The following XPO5 variants were observed in gnomAD, a reference collection of about 807,000 sequenced individuals.
XPO5 encodes the protein exportin-5.
In XPO5, 46 loss-of-function variants were observed where a neutral mutation model predicts 160.6. That is an observed-to-expected ratio of 0.29 (90% CI 0.23 to 0.37). The LOEUF (loss-of-function observed/expected upper bound fraction) is 0.37, where lower values mean the gene tolerates loss of function less well. Ranked by LOEUF, XPO5 falls within the 10% of genes least tolerant of loss-of-function variation. The pLI, the probability that XPO5 is intolerant of heterozygous loss-of-function variation, is 1.00. For synonymous variants in XPO5, 537 were observed against 519.3 expected (o/e 1.03, Z -0.46); for missense variants, 1,090 against 1,463.9 (o/e 0.74, Z 4.17).
Position 43,548,459 on chromosome 6 carries a change from G to T in XPO5, c.1862C>A (p.Pro621His), listed in dbSNP as rs1310087769. The T allele has an allele frequency of 1.3e-6, 2 of 1,543,426 alleles. No homozygotes were observed. The highest frequency in any genetic ancestry group is 1.8e-6 in the Non-Finnish European group (2 of 1,137,252). ...ATGGTTATAAAGCATGTCAAAATTG[G>T]GCTACAGATCAAAAAGAAAAAAAGC... ...MCRDYPQLVL[P>H]NFDMLYNHVK... Residue 621 changes from proline to histidine, a missense_variant and splice_region_variant, in exon 18 of 32, where the codon CCC becomes CAC. By Grantham distance (77) the Pro-to-His change is moderately conservative (BLOSUM62 -2). Transcript: ENST00000265351.
chr6:43,548,189 C>A (rs981524215), intron 18 of XPO5, 72 bp downstream of exon 18: 6 of 1,453,766 alleles, frequency 4.1e-6, no homozygotes, highest in Non-Finnish European at 3.7e-6. Flanking sequence ...CCCTACCCCA[C>A]CCTGGGCCTA....
chr6:43,530,912 A>C (rs1366848383), intron 22 of XPO5, 88 bp from the exon 23 acceptor site: 1 of 1,470,770 alleles, frequency 6.8e-7, no homozygotes, highest in African/African-American at 1.4e-5. Flanking sequence ...TTTCTAGCCT[A>C]CAATAAGGTT....
At position 43,572,545 on chromosome 6, in the gene XPO5, C is replaced by G; in HGVS notation, c.261G>C (p.Lys87Asn). 1 of 1,613,950 alleles carries G rather than the reference C, an allele frequency of 6.2e-7. No individual in the cohort carries two copies. Among genetic ancestry groups the G allele is most frequent in the Non-Finnish European group, 8.5e-7 (1 of 1,179,892 alleles). The stretch of plus-strand genomic sequence containing the variant: ...CCATGACACTGTTCTTCAGATACAC[C>G]TTCTCCAATCGAGACATGCCGTTCC... Reference protein sequence around the residue: ...FRWNGMSRLEKVYLKNSVMEL... With the variant: ...FRWNGMSRLENVYLKNSVMEL... Residue 87 changes from lysine (K) to asparagine (N), a missense_variant, in exon 3 of 32, where the codon AAG becomes AAC. By Grantham distance (94) the Lys-to-Asn change is moderately conservative. Transcript: ENST00000265351.
intron 12 of XPO5, among the ~76,000 whole-genome samples, chr6:43,557,482 A>G (rs1409068478): frequency 6.6e-6 from 1 of 152,160 alleles, no homozygotes; most frequent in Non-Finnish European, 1.5e-5. Context: ...ATTTAAAAAC[A>G]TTATGCAAGT....
chr6:43,543,825 C>T (rs988765444), intron 20 of XPO5, among the ~76,000 whole-genome samples: 14 of 151,888 alleles, frequency 9.2e-5, no homozygotes, highest in African/African-American at 3.4e-4. Flanking sequence ...TACAGGCGCC[C>T]GCCACCATGC....
At chr6:43,558,822 T>C (rs1396036635) in intron 11 of XPO5, 1 of 411,652 alleles carries the variant, frequency 2.4e-6, no homozygotes, top group Non-Finnish European at 4.3e-6. Flanking sequence ...ATCCTCCAAG[T>C]TCCTCAGGGA....
At chr6:43,533,746 G>T in intron 21 of XPO5, 161 bp downstream of exon 21, 2 of 410,052 alleles carry the variant, frequency 4.9e-6, no homozygotes, top group South Asian at 2.5e-5. Flanking sequence ...GAGGCAGGAA[G>T]ACTGCTTGAG....
chr6:43,549,136 A>G (rs1044556129), intron 17 of XPO5, among the ~76,000 whole-genome samples: 4 of 152,164 alleles, frequency 2.6e-5, no homozygotes, highest in Non-Finnish European at 5.9e-5. Context: ...ATCTTGGCTC[A>G]CTGCAACCTC....
Position 43,531,569 on chromosome 6 carries a change from G to A in XPO5, c.2450C>T (p.Pro817Leu). The part of the protein sequence containing the change: ...DAEKSAILGL[P>L]QPLLELNDSP... Reference sequence around the variant, plus strand: ...GTCATTGAGTTCCAAGAGAGGTTGAGGTAATCCTACAGGGAAATACGGGTC... The same window carrying A: ...GTCATTGAGTTCCAAGAGAGGTTGAAGTAATCCTACAGGGAAATACGGGTC... Residue 817 changes from proline to leucine, a missense_variant, in exon 22 of 32, where the codon CCT (proline) becomes CTT (leucine). This residue lies in a region of XPO5 where 810 missense variants were observed against 1,139.0 expected (regional missense o/e 0.71). Coordinates refer to ENST00000265351, the MANE Select transcript of XPO5 (RefSeq NM_020750.3). 1.2e-6 allele frequency: 2 copies of A among 1,613,612 alleles called. No individual in the cohort carries two copies. Among genetic ancestry groups the A allele is most frequent in the South Asian group, 1.1e-5 (1 of 91,060 alleles).
intron 12 of XPO5, among the ~76,000 whole-genome samples, chr6:43,558,093 C>T (rs956794295): frequency 2.1e-5 from 3 of 145,042 alleles, no homozygotes; most frequent in African/African-American, 8.2e-5. Context: ...GAAACTCCAT[C>T]TCAAAAAAAA....
At chr6:43,544,557 G>A (rs1003746578) in intron 20 of XPO5, among the ~76,000 whole-genome samples, 11 of 152,194 alleles carry the variant, frequency 7.2e-5, no homozygotes, top group African/African-American at 2.4e-4. Flanking sequence ...AGGTCTAGGT[G>A]ATTAGCTTCT....
Position 43,549,583 on chromosome 6 carries a change from A to G in XPO5, c.1771-5T>C, listed in dbSNP as rs1348253476. ...CACTGCCCGGGTTCTGGGGGCCTGA[A>G]AAGAGACATTCAACAAACTCGGAGC... On this transcript the variant is annotated splice_polypyrimidine_tract_variant and splice_region_variant and intron_variant, in intron 16 of 31. Coordinates refer to ENST00000265351, the MANE Select transcript of XPO5 (RefSeq NM_020750.3). 2 of 1,612,108 alleles carry G rather than the reference A, an allele frequency of 1.2e-6. No individual in the cohort carries two copies.
At chr6:43,566,724 C>T (rs759878031) in intron 7 of XPO5, 2 of 278,376 alleles carry the variant, frequency 7.2e-6, no homozygotes, top group East Asian at 1.1e-4. Flanking sequence ...GCAGGAGAAT[C>T]GCTTGAACCC....
At chr6:43,546,476 A>G in intron 20 of XPO5, 95 bp downstream of exon 20, 2 of 1,224,390 alleles carry the variant, frequency 1.6e-6, no homozygotes, top group African/African-American at 3.1e-5. Context: ...CCTCATTAAT[A>G]CCACTAAGAT....
chr6:43,524,234 C>T (rs1439018139), intron 31 of XPO5, among the ~76,000 whole-genome samples: 1 of 152,008 alleles, frequency 6.6e-6, no homozygotes, highest in Non-Finnish European at 1.5e-5. Context: ...TGCCTGTAAT[C>T]CCAGCTACTT....
chr6:43,523,888 C>T lies in XPO5; in HGVS notation c.3595G>A (p.Ala1199Thr). The T allele has an allele frequency of 6.2e-7, 1 of 1,613,996 alleles. No homozygotes were observed. The highest frequency in any genetic ancestry group is 1.1e-5 in the South Asian group (1 of 91,084). The change falls in exon 32 of 32, where the codon GCC becomes ACC. Residue 1199 changes from alanine (A) to threonine (T), a missense_variant. Physicochemically the swap from Ala to Thr is moderately conservative, Grantham distance 58. Transcript: ENST00000265351. ...TTGATTCAGGGTTCAAAGATGGTGG[C>T]CAGGCCACCCCCATCATTGTCCAGC... ...EVLDNDGGGL[A>T]TIFEP
At position 43,549,926 on chromosome 6, in the gene XPO5, T is replaced by G; in HGVS notation, c.1737A>C (p.Ser579=). ...CTTCAACAGTTTCAAAAGTGACAGATGAAAATAGCTAAGGGAGAGGAGGAA... is the reference window on the plus strand; with the variant it reads ...CTTCAACAGTTTCAAAAGTGACAGAGGAAAATAGCTAAGGGAGAGGAGGAA... ...FLPQVFSKLF[S]SVTFETVEES... Residue 579 remains serine (S), a synonymous_variant, in exon 16 of 32, where the codon TCA becomes TCC. Transcript: ENST00000265351. The G allele has an allele frequency of 6.2e-7, 1 of 1,612,382 alleles. No homozygotes were observed. The highest frequency in any genetic ancestry group is 8.5e-7 in the Non-Finnish European group (1 of 1,179,136).
chr6:43,524,806 C>T (rs1464024212), intron 30 of XPO5, 25 bp downstream of exon 30: 1 of 1,611,722 alleles, frequency 6.2e-7, no homozygotes, highest in African/African-American at 1.3e-5. Context: ...TGCAGCCATC[C>T]TTCCCCCATG....
Position 43,551,473 on chromosome 6 carries a change from C to G in XPO5, c.1573-20G>C. 1 of 1,606,540 alleles carries G rather than the reference C, an allele frequency of 6.2e-7. No individual in the cohort carries two copies. Among genetic ancestry groups the G allele is most frequent in the African/African-American group, 1.3e-5 (1 of 74,672 alleles). On this transcript the variant is annotated intron_variant, in intron 14 of 31. Transcript: ENST00000265351. ...AATTTCCTGTAACAAAGACATAAAA[C>G]AGGTTGACAATGGCTGCCTCCACTT...
Sources: gnomAD v4.1 joint callset for allele counts (sites outside exome capture counted in the v4.1 genomes callset) on GRCh38, gnomAD v4.1.1 for gene constraint, gnomAD v4.1.1 regional missense constraint, MANE v1.5 for transcripts, NCBI Gene and HGNC (gene_info 2026-07-23, HGNC 2026-07-21) for gene names.